The following CENPI variants were observed in gnomAD, a reference collection of about 807,000 sequenced individuals.
CENPI encodes FSH primary response 1.
CENPI carries 4 observed loss-of-function variants against 60.4 expected under a neutral mutation model. The observed-to-expected ratio is 0.07, with a 90% CI of 0.03 to 0.15. CENPI has a LOEUF of 0.15. CENPI is among the 10% of genes least tolerant of loss of function. CENPI has a pLI of 1.00. For missense variants in CENPI, 444 were observed against 534.5 expected (o/e 0.83, Z 1.67); for synonymous variants, 157 against 189.4 (o/e 0.83, Z 1.40).
intron 6 of CENPI, among the ~76,000 whole-genome samples, chrX:101,114,650 TC>T (rs1407344324): frequency 8.9e-6 from 1 of 111,858 alleles, no homozygotes; most frequent in South Asian, 3.7e-4. Context: ...ACTTTTTTTT[TC>T]CCCCTGAGAC....
intron 15 of CENPI, among the ~76,000 whole-genome samples, chrX:101,134,499 T>A (rs996788787): frequency 9.0e-6 from 1 of 111,260 alleles, no homozygotes; most frequent in African/African-American, 3.3e-5. Flanking sequence ...TTGAGCGTCA[T>A]TAAGGGCCCA....
In CENPI at chrX:101,161,588, A is replaced by G. The variant is rs1161690763; in HGVS notation, c.2136+19A>G. The G allele has an allele frequency of 1.7e-6, 2 of 1,181,034 alleles. No individual in the cohort carries two copies. Among genetic ancestry groups the G allele is most frequent in the Admixed American group, 4.4e-5 (2 of 45,880 alleles). ...TATTCGGGTAAATAAATTTACTTTC[A>G]TCGTGTTGAGGGATTTCATACAGCT... On this transcript the variant is annotated intron_variant, in intron 21 of 21. Coordinates refer to ENST00000682095, the MANE Select transcript of CENPI (RefSeq NM_001386188.2).
intron 17 of CENPI, 141 bp from the exon 18 acceptor site, chrX:101,146,012 T>C (rs1188740233): frequency 9.2e-6 from 4 of 434,296 alleles, no homozygotes; most frequent in Non-Finnish European, 1.5e-5. Flanking sequence ...AGCCAGCTTG[T>C]AGATGTTTAT....
At chrX:101,137,259 G>C (rs747019256) in intron 15 of CENPI, among the ~76,000 whole-genome samples, 6 of 112,189 alleles carry the variant, frequency 5.3e-5, no homozygotes, top group Non-Finnish European at 1.1e-4. Context: ...ATAGATAACA[G>C]TCTCGAGCAT....
intron 4 of CENPI, among the ~76,000 whole-genome samples, chrX:101,105,958 A>G (rs1228525404): frequency 9.1e-6 from 1 of 109,666 alleles, no homozygotes; most frequent in Non-Finnish European, 1.9e-5. Context: ...CCCTTTTATT[A>G]TAGTTATTTC....
At chrX:101,116,526 T>A (rs2089625351) in intron 6 of CENPI, among the ~76,000 whole-genome samples, 1 of 111,386 alleles carries the variant, frequency 9.0e-6, no homozygotes, top group South Asian at 3.8e-4. Context: ...CTGGAACCAA[T>A]CCCCTGCTGA....
chrX:101,142,768 A>G (rs777798454), intron 16 of CENPI, among the ~76,000 whole-genome samples: 1 of 111,682 alleles, frequency 9.0e-6, no homozygotes, highest in African/African-American at 3.3e-5. Flanking sequence ...TTTCAGACAC[A>G]GTTGCCAAGT....
Position 101,101,109 on chromosome X carries a change from A to G in CENPI, c.39A>G (p.Gln13=). The change falls in exon 3 of 22, where the codon CAA becomes CAG. Residue 13 remains glutamine, a synonymous_variant. Coordinates refer to ENST00000682095, the MANE Select transcript of CENPI (RefSeq NM_001386188.2). ...PQKRVKNVQA[Q]NRTSQGSSSF... is the part of the protein sequence containing the mutation. ...AGAGAGTTAAGAACGTCCAGGCACA[A>G]AACAGGACTTCACAAGGTAGTAGTA... is the stretch of plus-strand genomic sequence containing the variant. 8.3e-7 allele frequency: 1 copy of G among 1,211,604 alleles called. No individual in the cohort carries two copies. The highest frequency in any genetic ancestry group is 1.1e-6 in the Non-Finnish European group (1 of 895,218).
At chrX:101,103,249 CT>C (rs1799957896) in intron 4 of CENPI, among the ~76,000 whole-genome samples, 1 of 111,308 alleles carries the variant, frequency 9.0e-6, no homozygotes, top group African/African-American at 3.3e-5. Context: ...CCGCCTCGGC[CT>C]CCCAAAGTGC....
rs1330778527 is a variant in CENPI, at chrX:101,148,100, A to G, written c.2033A>G (p.Asn678Ser). The change falls in exon 20 of 22, where the codon AAC becomes AGC. Residue 678 changes from asparagine to serine, a missense_variant. Asn to Ser is a conservative substitution (Grantham distance 46, BLOSUM62 1). Coordinates refer to ENST00000682095, the MANE Select transcript of CENPI (RefSeq NM_001386188.2). ...AAAACTGGAGTGGCTGAATATAAAA[A>G]CAGTTTAAATGTAGTCCATCATCCT... is the stretch of plus-strand genomic sequence containing the variant. ...LEKTGVAEYK[N>S]SLNVVHHPSF... 8.4e-7 allele frequency: 1 copy of G among 1,183,959 alleles called. No individual in the cohort carries two copies. Among genetic ancestry groups the G allele is most frequent in the African/African-American group, 1.8e-5 (1 of 55,689 alleles).
chrX:101,103,885 A>C, intron 4 of CENPI, among the ~76,000 whole-genome samples: 1 of 112,575 alleles, frequency 8.9e-6, no homozygotes, highest in Middle Eastern at 4.6e-3. Context: ...TATTTATCTT[A>C]AGAAGCATAC....
intron 15 of CENPI, among the ~76,000 whole-genome samples, chrX:101,139,202 C>T (rs759166511): frequency 9.7e-6 from 1 of 103,420 alleles, no homozygotes; most frequent in South Asian, 4.6e-4. Context: ...AAGCAATTCT[C>T]CTGCCTCTCA....
chrX:101,115,941 CATA>C (rs771529592), intron 6 of CENPI, among the ~76,000 whole-genome samples: 4 of 111,324 alleles, frequency 3.6e-5, no homozygotes, highest in Non-Finnish European at 7.5e-5. Context: ...TTTCACTTAA[CATA>C]ATGTCTTCAA....
chrX:101,120,472 GTA>G, intron 7 of CENPI, 22 bp downstream of exon 7: 3 of 811,131 alleles, frequency 3.7e-6, no homozygotes, highest in Non-Finnish European at 5.5e-6. Context: ...CATTACAGTT[GTA>G]TTATACTTTG....
chrX:101,117,931 C>T lies in CENPI; in HGVS notation c.592-2471C>T, dbSNP rs141768773. Among the ~76,000 whole-genome samples, 9 of 112,323 alleles carry T rather than the reference C, an allele frequency of 8.0e-5. No homozygotes were observed. The East Asian group carries it at 2.5e-3, about 31-fold the overall frequency. Reference sequence around the variant, plus strand: ...CAACAGCTGGATATGATGTCAAAAACATTGCTGAGCTGGCAGGAAAGCGGT... The same window carrying T: ...CAACAGCTGGATATGATGTCAAAAATATTGCTGAGCTGGCAGGAAAGCGGT... On this transcript the variant is annotated intron_variant, in intron 6 of 21. Coordinates refer to ENST00000682095, the MANE Select transcript of CENPI (RefSeq NM_001386188.2).
At chrX:101,109,828 G>A (rs1179609093) in intron 5 of CENPI, 63 bp from the exon 6 acceptor site, 46 of 798,695 alleles carry the variant, frequency 5.8e-5, no homozygotes, top group South Asian at 2.1e-4. Context: ...GACGGGGGGC[G>A]GAATTAAACT....
intron 20 of CENPI, among the ~76,000 whole-genome samples, chrX:101,152,332 G>A (rs184341965): frequency 5.5e-4 from 61 of 110,786 alleles, no homozygotes; most frequent in Non-Finnish European, 9.4e-5. Context: ...CAAAGTGCTG[G>A]GATTACAGGC....
intron 20 of CENPI, among the ~76,000 whole-genome samples, chrX:101,151,674 G>A (rs765743120): frequency 3.8e-4 from 41 of 108,787 alleles, no homozygotes; most frequent in African/African-American, 1.3e-3. Context: ...TCTACTAAAA[G>A]CACAAAAAAA....
At chrX:101,158,214 G>A (rs1019396447) in intron 20 of CENPI, among the ~76,000 whole-genome samples, 1 of 107,759 alleles carries the variant, frequency 9.3e-6, no homozygotes, top group African/African-American at 3.4e-5. Flanking sequence ...TGATGGATAC[G>A]TTATTGTTAG....
Sources: allele counts gnomAD v4.1 joint callset (sites outside exome capture counted in the v4.1 genomes callset), GRCh38; gene constraint gnomAD v4.1.1; transcripts MANE v1.5; gene names NCBI Gene and HGNC (gene_info 2026-07-23, HGNC 2026-07-21).